Variants in MEIS1 observed in about 807,000 individuals in gnomAD.
MEIS1 encodes the protein Meis homeobox 1.
In MEIS1, 5 loss-of-function variants were observed where a neutral mutation model predicts 50.8. The ratio of observed to expected loss-of-function variants is 0.10; its 90% CI spans 0.05 to 0.21. MEIS1 has a LOEUF of 0.21. Among genes scored for constraint, MEIS1 ranks in the 10% least tolerant of loss-of-function variants. MEIS1 has a pLI of 1.00. For missense variants in MEIS1, 318 were observed against 517.3 expected, an observed-to-expected ratio of 0.61 and a Z score of 3.74; for synonymous variants, 176 against 179.3, an observed-to-expected ratio of 0.98 and a Z score of 0.15.
At chr2:66,441,125 G>C (rs574582838) in intron 4 of MEIS1, 3 of 419,016 alleles carry the variant, frequency 7.2e-6, no homozygotes, top group Non-Finnish European at 1.2e-5. Context: ...GGCCCTTTTG[G>C]GGTGGGGTGG....
intron 7 of MEIS1, among the ~76,000 whole-genome samples, chr2:66,492,654 G>T (rs973346723): frequency 6.6e-6 from 1 of 152,150 alleles, no homozygotes; most frequent in African/African-American, 2.4e-5. Flanking sequence ...TTCTTTCTTG[G>T]AGACTCCTAC....
chr2:66,479,383 T>A (rs2103780629), intron 7 of MEIS1, among the ~76,000 whole-genome samples: 1 of 152,342 alleles, frequency 6.6e-6, no homozygotes, highest in Non-Finnish European at 1.5e-5. Flanking sequence ...TACCTTTATT[T>A]GGGCTGTGGG....
At chr2:66,487,196 T>G (rs998858108) in intron 7 of MEIS1, among the ~76,000 whole-genome samples, 1 of 152,200 alleles carries the variant, frequency 6.6e-6, no homozygotes, top group Non-Finnish European at 1.5e-5. Context: ...AGCATTGCAT[T>G]GACATTCTTT....
In MEIS1 at chr2:66,555,746, C is replaced by CA. The variant is rs554750234; in HGVS notation, c.965+7728dup. Among the ~76,000 whole-genome samples, 507 of 152,310 alleles carry CA rather than the reference C, an allele frequency of 3.3e-3. 3 individuals are homozygous for CA. Among genetic ancestry groups the CA allele is most frequent in the African/African-American group, 0.011 (472 of 41,582 alleles). ...CCCAGAGAGACCCTCTCTCTCCTCT[C>CA]ACTTACATCATCATCTGGCTTCAGG... is the stretch of plus-strand genomic sequence containing the variant. On this transcript the variant is annotated intron_variant, in intron 9 of 12. Transcript: ENST00000272369.
rs775709194 is a variant in MEIS1 at position 66,440,063 on chromosome 2, G to A, written c.381+79G>A. 53 of 1,144,134 alleles carry A rather than the reference G, an allele frequency of 4.6e-5. No individual in the cohort carries two copies. In the African/African-American group the frequency reaches 7.4e-4, roughly 16 times the overall value. 70.9% of individuals were successfully genotyped at this position (1,144,134 alleles called of 1,614,324 possible). A position where few individuals can be genotyped will look rare whatever the true frequency, so the allele number is the denominator to read the frequency against. On this transcript the variant is annotated intron_variant, in intron 3 of 12. Transcript: ENST00000272369. The stretch of plus-strand genomic sequence containing the variant: ...CGCCAACACACACGCGCGCGCGCGC[G>A]CGCGAACACACACACACACACACAC...
chr2:66,475,665 G>A (rs1230139674), intron 7 of MEIS1, among the ~76,000 whole-genome samples: 1 of 152,154 alleles, frequency 6.6e-6, no homozygotes, highest in Non-Finnish European at 1.5e-5. Context: ...GATTTGACCA[G>A]CATTAAGATC....
At chr2:66,509,077 C>T (rs1673759591) in intron 7 of MEIS1, 2 of 471,482 alleles carry the variant, frequency 4.2e-6, no homozygotes, top group African/African-American at 2.0e-5. Context: ...CGAGAGACCA[C>T]ATTGAGGTGA....
intron 8 of MEIS1, among the ~76,000 whole-genome samples, chr2:66,515,868 C>T (rs889923723): frequency 6.6e-6 from 1 of 152,110 alleles, no homozygotes; most frequent in Non-Finnish European, 1.5e-5. Flanking sequence ...ACAATTAAAA[C>T]GTGCTTAATA....
At chr2:66,457,029 T>C (rs778656047) in intron 6 of MEIS1, among the ~76,000 whole-genome samples, 5 of 152,190 alleles carry the variant, frequency 3.3e-5, no homozygotes, top group African/African-American at 4.8e-5. Context: ...TGAATGTTTA[T>C]GGCATTTCAA....
intron 8 of MEIS1, among the ~76,000 whole-genome samples, chr2:66,526,586 C>A (rs927750082): frequency 5.9e-5 from 9 of 152,156 alleles, no homozygotes; most frequent in African/African-American, 2.2e-4. Context: ...AGCTAGAAAT[C>A]AAAATTAAGA....
At chr2:66,473,397 A>AAAAAAAAAATATATATATATATAT in intron 7 of MEIS1, among the ~76,000 whole-genome samples, 4 of 107,580 alleles carry the variant, frequency 3.7e-5, no homozygotes, top group East Asian at 2.3e-4. Context: ...AAAAAAAAAA[A>AAAAAAAAAATATATATATATATAT]ATATATATAT....
intron 7 of MEIS1, chr2:66,508,938 C>T (rs1673752488): frequency 2.2e-6 from 1 of 450,002 alleles, no homozygotes; most frequent in African/African-American, 2.0e-5. Context: ...GAGAAGTCAG[C>T]TCCAGGAATG....
intron 8 of MEIS1, among the ~76,000 whole-genome samples, chr2:66,515,478 T>C (rs1244487932): frequency 1.3e-5 from 2 of 152,140 alleles, no homozygotes; most frequent in East Asian, 3.9e-4. Context: ...CAGTCTGTAG[T>C]TATCCACAGG....
At chr2:66,541,016 A>G (rs1411359005) in intron 8 of MEIS1, among the ~76,000 whole-genome samples, 1 of 151,364 alleles carries the variant, frequency 6.6e-6, no homozygotes, top group African/African-American at 2.4e-5. Context: ...AGGGCATTTT[A>G]TTTTATTTTA....
At chr2:66,449,871 CAG>C (rs1200781831) in intron 6 of MEIS1, among the ~76,000 whole-genome samples, 2 of 152,082 alleles carry the variant, frequency 1.3e-5, no homozygotes, top group Non-Finnish European at 2.9e-5. Flanking sequence ...CTTCTTGGTT[CAG>C]AGTTTCTAAA....
At chr2:66,500,330 G>A (rs1040074979) in intron 7 of MEIS1, among the ~76,000 whole-genome samples, 4 of 152,160 alleles carry the variant, frequency 2.6e-5, no homozygotes, top group Admixed American at 6.5e-5. Context: ...GTAGGCATCA[G>A]GATTTGTAAA....
chr2:66,494,402 C>T (rs985113148), intron 7 of MEIS1, among the ~76,000 whole-genome samples: 3 of 152,144 alleles, frequency 2.0e-5, no homozygotes, highest in Non-Finnish European at 2.9e-5. Context: ...ACTGCCTCCC[C>T]TTCCCACAAA....
intron 12 of MEIS1, chr2:66,569,353 T>C (rs542003089): frequency 6.1e-5 from 28 of 459,432 alleles, no homozygotes; most frequent in Non-Finnish European, 9.1e-5. Flanking sequence ...ATCCTGTGTG[T>C]TGCTATTGTA....
intron 8 of MEIS1, among the ~76,000 whole-genome samples, chr2:66,530,183 A>G (rs1263948522): frequency 6.8e-6 from 1 of 147,486 alleles, no homozygotes; most frequent in Non-Finnish European, 1.5e-5. Flanking sequence ...TGTTGGGAAC[A>G]CAGTAGGCAA....
Sources: gnomAD v4.1 joint callset for allele counts (sites outside exome capture counted in the v4.1 genomes callset) on GRCh38, gnomAD v4.1.1 for gene constraint, MANE v1.5 for transcripts, NCBI Gene and HGNC (gene_info 2026-07-23, HGNC 2026-07-21) for gene names.